CALN1: variants seen among roughly 807,000 people sequenced by gnomAD.
CALN1 encodes the protein calneuron 1, also known as calcium-binding protein 8.
Under a neutral mutation model 30.6 loss-of-function variants are expected in CALN1, and 17 were observed. That is an observed-to-expected ratio of 0.56 (90% CI 0.38 to 0.83). CALN1 has a LOEUF of 0.83. CALN1 is among the 40% of genes least tolerant of loss of function. CALN1 has a pLI of 0.00. For missense variants in CALN1, 291 were observed against 354.9 expected (o/e 0.82, Z 1.45); for synonymous variants, 156 against 131.4 (o/e 1.19, Z -1.28).
chr7:71,871,792 CA>C (rs1562859718), intron 5 of CALN1, among the ~76,000 whole-genome samples: 1 of 151,940 alleles, frequency 6.6e-6, no homozygotes, highest in Non-Finnish European at 1.5e-5. Flanking sequence ...TTTCAAATAT[CA>C]CCTTTTCAGA....
chr7:72,501,474 AGAAGGAAGGAGGGAAG>A, the CALN1 span, among the ~76,000 whole-genome samples: 105 of 102,426 alleles, frequency 1.0e-3, no homozygotes, highest in Non-Finnish European at 1.6e-3. Context: ...AGGAGGAGGA[AGAAGGAAGGAGGGAAG>A]GAAGGAAGGA....
At chr7:72,234,423 C>T (rs192202344) in intron 3 of CALN1, among the ~76,000 whole-genome samples, 4 of 152,108 alleles carry the variant, frequency 2.6e-5, no homozygotes, top group Admixed American at 2.6e-4. Flanking sequence ...TATCTGAAGT[C>T]CACTTGTCTT....
At chr7:72,060,489 T>A (rs1180467476) in intron 4 of CALN1, among the ~76,000 whole-genome samples, 1 of 152,154 alleles carries the variant, frequency 6.6e-6, no homozygotes, top group Non-Finnish European at 1.5e-5. Context: ...CCATTTTGTG[T>A]ATGAAATCCT....
intron 5 of CALN1, among the ~76,000 whole-genome samples, chr7:71,828,291 C>A (rs551690072): frequency 6.6e-6 from 1 of 152,044 alleles, no homozygotes; most frequent in Non-Finnish European, 1.5e-5. Context: ...TTCACTCTGC[C>A]CTCAAAGAAA....
At chr7:72,073,797 G>A (rs950849385) in intron 4 of CALN1, among the ~76,000 whole-genome samples, 2 of 152,004 alleles carry the variant, frequency 1.3e-5, no homozygotes, top group African/African-American at 4.8e-5. Context: ...GGACTCAAGT[G>A]ATCCTGTCAC....
intron 2 of CALN1, among the ~76,000 whole-genome samples, chr7:72,386,773 C>A (rs1431308212): frequency 6.6e-6 from 1 of 152,048 alleles, no homozygotes; most frequent in Non-Finnish European, 1.5e-5. Flanking sequence ...GTAGCTGGGG[C>A]TACAGGGGCA....
intron 2 of CALN1, among the ~76,000 whole-genome samples, chr7:72,356,465 T>A (rs1335359931): frequency 6.6e-6 from 1 of 151,936 alleles, no homozygotes; most frequent in Admixed American, 6.6e-5. Context: ...AAGTGATAAA[T>A]GTACTAATTT....
chr7:72,368,014 A>T (rs1803977597), intron 2 of CALN1, among the ~76,000 whole-genome samples: 1 of 151,900 alleles, frequency 6.6e-6, no homozygotes, highest in Non-Finnish European at 1.5e-5. Flanking sequence ...GCAGCTACTC[A>T]GGAGGCTGAG....
chr7:72,317,939 A>G (rs751192059), intron 2 of CALN1, among the ~76,000 whole-genome samples: 65 of 152,310 alleles, frequency 4.3e-4, no homozygotes, highest in Non-Finnish European at 1.6e-4. Context: ...CCCTTTAGGA[A>G]AAATATTTCA....
intron 3 of CALN1, among the ~76,000 whole-genome samples, chr7:72,148,249 T>A: frequency 7.1e-6 from 1 of 140,886 alleles, no homozygotes. Flanking sequence ...TGAGTTCACA[T>A]CAAATGTGGT....
chr7:71,906,103 G>T (rs183736656), intron 5 of CALN1, among the ~76,000 whole-genome samples: 18 of 152,270 alleles, frequency 1.2e-4, no homozygotes, highest in African/African-American at 4.3e-4. Context: ...TCAATATCTG[G>T]GGATTACAAT....
intron 2 of CALN1, among the ~76,000 whole-genome samples, chr7:72,393,688 T>C (rs964928508): frequency 6.6e-6 from 1 of 151,532 alleles, no homozygotes; most frequent in Non-Finnish European, 1.5e-5. Context: ...TCCAAAGCCC[T>C]TTTGAAGGAA....
At chr7:72,090,766 C>A (rs564434112) in intron 4 of CALN1, among the ~76,000 whole-genome samples, 6 of 152,150 alleles carry the variant, frequency 3.9e-5, no homozygotes, top group Non-Finnish European at 7.4e-5. Flanking sequence ...AATCCTTTTA[C>A]TTGCAACCAC....
chr7:71,813,923 T>C (rs1343049434), intron 5 of CALN1, among the ~76,000 whole-genome samples: 1 of 138,374 alleles, frequency 7.2e-6, no homozygotes. Flanking sequence ...AGAGCGAGAC[T>C]CTGTTGCAAA....
chr7:72,226,932 G>A (rs1235275626), intron 3 of CALN1, among the ~76,000 whole-genome samples: 1 of 152,076 alleles, frequency 6.6e-6, no homozygotes, highest in Non-Finnish European at 1.5e-5. Flanking sequence ...AGCTACCTGG[G>A]AGGTAAGGCA....
In CALN1 at chr7:72,025,704, C is replaced by T. The variant is rs1018244882; in HGVS notation, c.389-1935G>A. ...CAACTCCATCAAAAGTTCACCACATCCCTACCTTGGCTGCAGCCAGCACAG... is the reference window on the plus strand; with the variant it reads ...CAACTCCATCAAAAGTTCACCACATTCCTACCTTGGCTGCAGCCAGCACAG... On this transcript the variant is annotated intron_variant, in intron 4 of 6. Coordinates refer to ENST00000395275, the MANE Select transcript of CALN1 (RefSeq NM_031468.4). 4.6e-5 allele frequency among the ~76,000 whole-genome samples: 7 copies of T among 152,186 alleles called. No homozygotes were observed. In the South Asian group the frequency reaches 6.2e-4, roughly 14 times the overall value.
At chr7:72,271,282 G>A (rs78572704) in intron 3 of CALN1, among the ~76,000 whole-genome samples, 30 of 152,064 alleles carry the variant, frequency 2.0e-4, no homozygotes, top group East Asian at 9.7e-4. Context: ...GTAGATGCTC[G>A]GGCAGAAGGC....
intron 2 of CALN1, among the ~76,000 whole-genome samples, chr7:72,307,267 A>C (rs758357337): frequency 1.3e-5 from 2 of 152,256 alleles, no homozygotes; most frequent in Non-Finnish European, 2.9e-5. Flanking sequence ...TCCATCATTC[A>C]GATGGAAAGC....
rs60314404 is a variant in CALN1 at position 72,255,506 on chromosome 7, C to T, written c.244+23180G>A. 7.3e-3 allele frequency among the ~76,000 whole-genome samples: 1,103 copies of T among 151,760 alleles called. 10 individuals carry two copies. The highest frequency in any genetic ancestry group is 0.023 in the African/African-American group (958 of 41,310). The stretch of plus-strand genomic sequence containing the variant: ...CTCGGCTCACTGCAACCTCTGCTTC[C>T]TGGGTTCAAGTGATTCTCATGCTTC... On this transcript the variant is annotated intron_variant, in intron 3 of 6. Transcript: ENST00000395275.
Sources: allele counts gnomAD v4.1 joint callset (sites outside exome capture counted in the v4.1 genomes callset), GRCh38; gene constraint gnomAD v4.1.1; transcripts MANE v1.5; gene names NCBI Gene and HGNC (gene_info 2026-07-23, HGNC 2026-07-21).